The following LMX1A variants were observed in gnomAD, a reference collection of about 807,000 sequenced individuals.
LMX1A encodes LIM homeobox transcription factor 1 alpha, also known as LIM homeobox transcription factor 1-alpha.
A neutral mutation model predicts 49.1 loss-of-function variants in LMX1A; 15 were observed. The observed-to-expected ratio is 0.31, with a 90% CI of 0.20 to 0.47. The LOEUF (loss-of-function observed/expected upper bound fraction) is 0.47. Among genes scored for constraint, LMX1A ranks in the 20% least tolerant of loss-of-function variants. The pLI, the probability that LMX1A is intolerant of heterozygous loss-of-function variation, is 1.00. For synonymous variants in LMX1A, 167 were observed against 185.7 expected (o/e 0.90, Z 0.82); for missense variants, 372 against 475.8 (o/e 0.78, Z 2.03).
At chr1:165,213,868 G>A (rs1391504676) in intron 4 of LMX1A, 55 bp from the exon 5 acceptor site, 3 of 1,547,548 alleles carry the variant, frequency 1.9e-6, no homozygotes, top group Non-Finnish European at 8.8e-7. Context: ...TCCTGGAGCT[G>A]TATGTTATTC....
intron 3 of LMX1A, among the ~76,000 whole-genome samples, chr1:165,265,714 A>C (rs569494901): frequency 2.5e-4 from 38 of 152,324 alleles, no homozygotes; most frequent in African/African-American, 9.1e-4. Flanking sequence ...TCATGGGCTG[A>C]ATTCCTCCAA....
In LMX1A at chr1:165,242,944, A is replaced by C. The variant is rs1236478637; in HGVS notation, c.496+6464T>G. On this transcript the variant is annotated intron_variant, in intron 4 of 8. Transcript: ENST00000342310. ...AACTCCACCTCAAAAAAAAAAAAAA[A>C]AAACAAAACAAAAACATAAAACAAC... Among the ~76,000 whole-genome samples, 4 of 149,640 alleles carry C rather than the reference A, an allele frequency of 2.7e-5. 1 individual carries two copies. The highest frequency in any genetic ancestry group is 4.4e-5 in the Non-Finnish European group (3 of 67,732).
chr1:165,337,335 G>A (rs1655927520), intron 3 of LMX1A, among the ~76,000 whole-genome samples: 1 of 152,284 alleles, frequency 6.6e-6, no homozygotes, highest in African/African-American at 2.4e-5. Context: ...CTTTTGAAGG[G>A]AAGATTGAAA....
rs530398861 is a variant in LMX1A, at chr1:165,355,105, T to C, written c.76+379A>G. 7.6e-3 allele frequency among the ~76,000 whole-genome samples: 1,163 copies of C among 152,220 alleles called. 18 individuals carry two copies. Among genetic ancestry groups the C allele is most frequent in the African/African-American group, 0.025 (1,058 of 41,536 alleles). On this transcript the variant is annotated intron_variant, in intron 2 of 8. Transcript: ENST00000342310. The surrounding 1 kb of genome is among the most constrained non-coding windows in gnomAD (Gnocchi z 4.7). ...TCCTCGAACTTGGGCGCTCCAGGCC[T>C]CGGGTCTCGGATGCTATTGCCTCTA... is the stretch of plus-strand genomic sequence containing the variant.
intron 8 of LMX1A, 103 bp from the exon 9 acceptor site, chr1:165,204,143 T>C: frequency 8.0e-7 from 1 of 1,245,090 alleles, no homozygotes. Flanking sequence ...GAGCACAGGC[T>C]CCAGGTGAAA....
At chr1:165,241,848 T>C (rs1652666986) in intron 4 of LMX1A, among the ~76,000 whole-genome samples, 1 of 152,038 alleles carries the variant, frequency 6.6e-6, no homozygotes, top group African/African-American at 2.4e-5. Flanking sequence ...TTAAGACAAA[T>C]GTCTAAATAC....
At chr1:165,226,519 G>C (rs1284148593) in intron 4 of LMX1A, among the ~76,000 whole-genome samples, 1 of 152,196 alleles carries the variant, frequency 6.6e-6, no homozygotes, top group African/African-American at 2.4e-5. Flanking sequence ...ATCAGTGCCA[G>C]TGAGATCTAG....
intron 4 of LMX1A, among the ~76,000 whole-genome samples, chr1:165,223,974 G>A (rs138497163): frequency 0.01 from 1,550 of 152,334 alleles, 20 homozygotes; most frequent in Non-Finnish European, 0.013. Flanking sequence ...GTTTGGATCT[G>A]TGTCCCCACC....
chr1:165,342,008 C>T (rs928503160), intron 3 of LMX1A, among the ~76,000 whole-genome samples: 4 of 152,132 alleles, frequency 2.6e-5, no homozygotes, highest in African/African-American at 9.7e-5. Flanking sequence ...CATTAAATAC[C>T]AGTTTACAAA....
intron 4 of LMX1A, among the ~76,000 whole-genome samples, chr1:165,229,442 T>C (rs576123112): frequency 6.6e-6 from 1 of 152,302 alleles, no homozygotes; most frequent in East Asian, 1.9e-4. Context: ...TCTTTGGCCA[T>C]GTTTATGACA....
chr1:165,229,558 C>G (rs530297800), intron 4 of LMX1A, among the ~76,000 whole-genome samples: 5 of 152,328 alleles, frequency 3.3e-5, no homozygotes, highest in Non-Finnish European at 7.4e-5. Context: ...CACTTAACCT[C>G]AATTTTCTCA....
At chr1:165,306,818 C>G (rs552665359) in intron 3 of LMX1A, among the ~76,000 whole-genome samples, 3 of 152,358 alleles carry the variant, frequency 2.0e-5, no homozygotes, top group Non-Finnish European at 4.4e-5. Context: ...CTGCCTCTGC[C>G]TGACTTCCCA....
At chr1:165,336,424 C>T (rs931353169) in intron 3 of LMX1A, among the ~76,000 whole-genome samples, 14 of 152,284 alleles carry the variant, frequency 9.2e-5, no homozygotes, top group African/African-American at 2.6e-4. Context: ...AAAGAGAGCC[C>T]GCAAATATCA....
At position 165,217,816 on chromosome 1, in the gene LMX1A, T is replaced by C. The variant is rs185165172; in HGVS notation, c.497-4003A>G. 7.9e-5 allele frequency among the ~76,000 whole-genome samples: 12 copies of C among 152,352 alleles called. No individual in the cohort carries two copies. In the East Asian group the frequency reaches 2.3e-3, roughly 29 times the overall value. On this transcript the variant is annotated intron_variant, in intron 4 of 8. Coordinates refer to ENST00000342310, the MANE Select transcript of LMX1A (RefSeq NM_177398.4). ...TGGTTTGTCTCTGGAGTGTTTCTGT[T>C]GCTTTTGTGGTGCATTTTCTTTCTT...
At chr1:165,331,820 G>C (rs543024914) in intron 3 of LMX1A, among the ~76,000 whole-genome samples, 132 of 152,274 alleles carry the variant, frequency 8.7e-4, no homozygotes, top group African/African-American at 3.1e-3. Flanking sequence ...AGGAGGCTGA[G>C]GCACAAGAAT....
intron 3 of LMX1A, among the ~76,000 whole-genome samples, chr1:165,284,362 A>G (rs974958782): frequency 6.6e-6 from 1 of 152,246 alleles, no homozygotes; most frequent in Non-Finnish European, 1.5e-5. Flanking sequence ...CTATCTGATT[A>G]CCTTGGCTCC....
chr1:165,333,490 T>C (rs909452516), intron 3 of LMX1A, among the ~76,000 whole-genome samples: 2 of 152,280 alleles, frequency 1.3e-5, no homozygotes, highest in African/African-American at 4.8e-5. Context: ...CTTTTTATCC[T>C]TCAAGGATTC....
intron 4 of LMX1A, 38 bp downstream of exon 4, chr1:165,249,370 C>A (rs931305587): frequency 2.7e-6 from 4 of 1,469,682 alleles, no homozygotes; most frequent in Non-Finnish European, 3.8e-6. Context: ...TCCACTCTAC[C>A]CACCCCACCG....
intron 3 of LMX1A, among the ~76,000 whole-genome samples, chr1:165,251,258 T>G (rs973072631): frequency 6.6e-6 from 1 of 152,132 alleles, no homozygotes; most frequent in Admixed American, 6.5e-5. Flanking sequence ...AATTTTTGTA[T>G]TTTTAGTAGA....
Sources: gnomAD v4.1 joint callset for allele counts (sites outside exome capture counted in the v4.1 genomes callset) on GRCh38, gnomAD v4.1.1 for gene constraint, Gnocchi (gnomAD v3.1) non-coding constraint, MANE v1.5 for transcripts, NCBI Gene and HGNC (gene_info 2026-07-23, HGNC 2026-07-21) for gene names.